CCDC191: variants seen among roughly 807,000 people sequenced by gnomAD.
CCDC191 encodes the protein coiled-coil domain containing 191, also known as coiled-coil domain-containing protein 191.
Under a neutral mutation model 114.0 loss-of-function variants are expected in CCDC191, and 99 were observed. That is an observed-to-expected ratio of 0.87 (90% CI 0.74 to 1.03). The LOEUF (loss-of-function observed/expected upper bound fraction) is 1.03. Ranked by LOEUF, CCDC191 falls within the 50% of genes least tolerant of loss-of-function variation. The pLI is 0.00. For missense variants in CCDC191, 973 were observed against 1,087.0 expected, an observed-to-expected ratio of 0.90 and a Z score of 1.47; for synonymous variants, 351 against 376.0, an observed-to-expected ratio of 0.93 and a Z score of 0.77.
At chr3:113,971,079 C>G (rs1307960387) in intron 16 of CCDC191, among the ~76,000 whole-genome samples, 2 of 152,066 alleles carry the variant, frequency 1.3e-5, no homozygotes, top group Admixed American at 1.3e-4. Flanking sequence ...GGGTATATAC[C>G]CAGTAACGGG....
chr3:113,992,124 T>C (rs182313193), intron 13 of CCDC191, among the ~76,000 whole-genome samples: 4 of 152,220 alleles, frequency 2.6e-5, no homozygotes, highest in Admixed American at 2.6e-4. Flanking sequence ...AGTCCAGAAG[T>C]CCAGCAGTGA....
chr3:113,979,447 T>C (rs2107607031), intron 14 of CCDC191, among the ~76,000 whole-genome samples: 1 of 152,338 alleles, frequency 6.6e-6, no homozygotes, highest in South Asian at 2.1e-4. Context: ...TGGAATGAGC[T>C]GTCACCAGCA....
intron 11 of CCDC191, chr3:114,003,258 T>TG: frequency 1.0e-6 from 1 of 985,376 alleles, no homozygotes. Flanking sequence ...GGGGCATGGA[T>TG]GGGAGGAGTA....
intron 7 of CCDC191, among the ~76,000 whole-genome samples, chr3:114,025,468 CATAAGGCCATTTT>C (rs965916021): frequency 3.3e-5 from 5 of 152,134 alleles, no homozygotes; most frequent in African/African-American, 1.2e-4. Flanking sequence ...GTACCCCTTA[CATAAGGCCATTTT>C]ATAAGTTCTT....
At chr3:114,023,549 T>C (rs1185431673) in intron 7 of CCDC191, among the ~76,000 whole-genome samples, 1 of 151,998 alleles carries the variant, frequency 6.6e-6, no homozygotes, top group African/African-American at 2.4e-5. Flanking sequence ...AGAAATAATG[T>C]GACATATGTA....
rs2075948940 is a variant in CCDC191, at chr3:114,005,886, C to T, written c.1490G>A (p.Arg497Lys). 1.2e-6 allele frequency: 2 copies of T among 1,614,066 alleles called. No homozygotes were observed. ...ACCCTGCAAGTTGCCTGTTGTTGTT[C>T]TTCCCAGGGGAGGACTGAGCATACA... ...SGCMLSPPLGRTTTGNLQGSL... is the reference protein window; with the variant it reads ...SGCMLSPPLGKTTTGNLQGSL... The change falls in exon 10 of 17, where the codon AGA becomes AAA. Residue 497 changes from arginine to lysine, a missense_variant. Physicochemically the swap from Arg to Lys is conservative, Grantham distance 26 (BLOSUM62 2). Coordinates refer to ENST00000295878, the MANE Select transcript of CCDC191 (RefSeq NM_020817.2).
At chr3:114,054,921 G>C (rs2076747213) in intron 1 of CCDC191, among the ~76,000 whole-genome samples, 1 of 152,108 alleles carries the variant, frequency 6.6e-6, no homozygotes, top group South Asian at 2.1e-4. Flanking sequence ...GGGATATCCT[G>C]ATGATTTGTC....
At chr3:114,056,591 T>A, upstream of CCDC191, 1 of 1,589,038 alleles carries the variant, frequency 6.3e-7, no homozygotes, top group Non-Finnish European at 8.5e-7. Context: ...TAGGACACCG[T>A]CGAACCACCA....
intron 11 of CCDC191, 112 bp downstream of exon 11, chr3:114,004,525 G>A (rs755877823): frequency 6.7e-7 from 1 of 1,488,242 alleles, no homozygotes; most frequent in Non-Finnish European, 8.9e-7. Context: ...TTGATGTCAG[G>A]TTCTGCCAAG....
At chr3:113,973,588 G>T (rs1158560156) in intron 16 of CCDC191, among the ~76,000 whole-genome samples, 1 of 145,456 alleles carries the variant, frequency 6.9e-6, no homozygotes, top group East Asian at 2.0e-4. Context: ...AGTATTCTTG[G>T]ATGGCAGGTT....
At chr3:113,994,198 C>T (rs2075653392) in intron 13 of CCDC191, among the ~76,000 whole-genome samples, 1 of 152,106 alleles carries the variant, frequency 6.6e-6, no homozygotes, top group East Asian at 1.9e-4. Context: ...ACTTTTAAAA[C>T]CCAACAATAA....
At chr3:114,025,102 C>A (rs928292126) in intron 7 of CCDC191, among the ~76,000 whole-genome samples, 1 of 152,040 alleles carries the variant, frequency 6.6e-6, no homozygotes, top group African/African-American at 2.4e-5. Context: ...TGCTGGGTTC[C>A]ATGGAAAAGC....
intron 1 of CCDC191, among the ~76,000 whole-genome samples, chr3:114,055,341 T>C (rs1464755793): frequency 6.6e-6 from 1 of 152,248 alleles, no homozygotes; most frequent in Non-Finnish European, 1.5e-5. Flanking sequence ...AGTCCATATC[T>C]ATATCCTATC....
At chr3:114,008,844 A>G (rs1279074779) in intron 9 of CCDC191, among the ~76,000 whole-genome samples, 1 of 152,134 alleles carries the variant, frequency 6.6e-6, no homozygotes, top group Non-Finnish European at 1.5e-5. Context: ...ACAGTCATGC[A>G]TTGCTGAATA....
At chr3:113,978,726 A>T (rs1198338128) in intron 15 of CCDC191, 132 bp downstream of exon 15, 4 of 898,570 alleles carry the variant, frequency 4.5e-6, no homozygotes, top group Non-Finnish European at 6.9e-6. Flanking sequence ...ATTTCAAAGC[A>T]GTGAATGGGA....
intron 16 of CCDC191, 153 bp from the exon 17 acceptor site, chr3:113,965,512 A>T (rs1363542572): frequency 2.4e-6 from 1 of 420,804 alleles, no homozygotes; most frequent in Non-Finnish European, 4.1e-6. Context: ...ACAGTGTGAA[A>T]TGCTGTGAAA....
upstream of CCDC191, chr3:114,056,540 G>T (rs764956708): frequency 1.9e-6 from 3 of 1,609,904 alleles, no homozygotes; most frequent in Non-Finnish European, 2.5e-6. Flanking sequence ...TCCGGGTCAC[G>T]CTGGGAATTG....
In CCDC191 at chr3:114,010,842, T is replaced by A; in HGVS notation, c.1343A>T (p.Asn448Ile). The change falls in exon 9 of 17, where the codon AAT becomes ATT. Residue 448 changes from asparagine to isoleucine, a missense_variant. By Grantham distance (149) the Asn-to-Ile change is moderately radical (BLOSUM62 -3). Coordinates refer to ENST00000295878, the MANE Select transcript of CCDC191 (RefSeq NM_020817.2). ...AGGTAGACTGATGCCTGATAACCCATTGGCACTGAGTTTCCCCAGTGATGC... is the reference window on the plus strand; with the variant it reads ...AGGTAGACTGATGCCTGATAACCCAATGGCACTGAGTTTCCCCAGTGATGC... Reference protein sequence around the residue: ...QAASLGKLSANGLSGISLPEE... With the variant: ...QAASLGKLSAIGLSGISLPEE... 1 of 1,614,040 alleles carries A rather than the reference T, an allele frequency of 6.2e-7. No individual in the cohort carries two copies. The highest frequency in any genetic ancestry group is 8.5e-7 in the Non-Finnish European group (1 of 1,179,866).
intron 10 of CCDC191, among the ~76,000 whole-genome samples, 165 bp from the exon 11 acceptor site, chr3:114,004,911 A>G (rs925466282): frequency 6.6e-6 from 1 of 152,172 alleles, no homozygotes; most frequent in African/African-American, 2.4e-5. Context: ...AGGTATGGAA[A>G]GGTTGTGTGA....
Sources: allele counts gnomAD v4.1 joint callset (sites outside exome capture counted in the v4.1 genomes callset), GRCh38; gene constraint gnomAD v4.1.1; transcripts MANE v1.5; gene names NCBI Gene and HGNC (gene_info 2026-07-23, HGNC 2026-07-21).